DPCD: variants seen among roughly 807,000 people sequenced by gnomAD.
DPCD encodes the protein protein DPCD.
In DPCD, 20 loss-of-function variants were observed where a neutral mutation model predicts 26.4. The observed-to-expected ratio is 0.76, with a 90% CI of 0.53 to 1.10. DPCD has a LOEUF of 1.10. Among genes scored for constraint, DPCD ranks in the 50% least tolerant of loss-of-function variants. DPCD has a pLI of 0.00. For missense variants in DPCD, 202 were observed against 253.9 expected (o/e 0.80, Z 1.39); for synonymous variants, 97 against 94.2 (o/e 1.03, Z -0.17).
At chr10:101,590,351 T>A (rs2063597128) in intron 1 of DPCD, among the ~76,000 whole-genome samples, 1 of 152,102 alleles carries the variant, frequency 6.6e-6, no homozygotes, top group Non-Finnish European at 1.5e-5. Context: ...TGAAGAGAGA[T>A]GACAGATAAG....
At chr10:101,607,179 G>A (rs887990057) in intron 4 of DPCD, among the ~76,000 whole-genome samples, 4 of 152,194 alleles carry the variant, frequency 2.6e-5, no homozygotes, top group African/African-American at 9.7e-5. Flanking sequence ...TATATTTGCA[G>A]GGAAGATGTT....
At chr10:101,607,884 TGAG>T (rs1240675364) in intron 4 of DPCD, among the ~76,000 whole-genome samples, 1 of 152,168 alleles carries the variant, frequency 6.6e-6, no homozygotes, top group African/African-American at 2.4e-5. Context: ...CTGTTAGAGA[TGAG>T]GAGGCCATTC....
chr10:101,602,953 A>T (rs1254319001), intron 4 of DPCD, among the ~76,000 whole-genome samples: 1 of 152,254 alleles, frequency 6.6e-6, no homozygotes, highest in East Asian at 1.9e-4. Flanking sequence ...TCCTGCGCAC[A>T]TCCAGCCATA....
chr10:101,594,549 T>C (rs1369714334), intron 1 of DPCD, 109 bp from the exon 2 acceptor site: 3 of 1,056,362 alleles, frequency 2.8e-6, no homozygotes, highest in Non-Finnish European at 4.4e-6. Context: ...CCTGGCTGGG[T>C]TCCTCAGTAC....
chr10:101,588,328 A>C lies in DPCD; in HGVS notation c.-9A>C, dbSNP rs758548295. On this transcript the variant is annotated 5_prime_UTR_variant, in exon 1 of 6. Coordinates refer to ENST00000370151, the MANE Select transcript of DPCD (RefSeq NM_015448.3). ...GCAGCGGCTGGGCGTGCTGCTTAGCAGGGGAAAGATGGCGGTGACGGGCTG... is the reference window on the plus strand; with the variant it reads ...GCAGCGGCTGGGCGTGCTGCTTAGCCGGGGAAAGATGGCGGTGACGGGCTG... 9.4e-6 allele frequency: 15 copies of C among 1,600,456 alleles called. No individual in the cohort carries two copies. In the African/African-American group the frequency reaches 2.0e-4, roughly 21 times the overall value.
chr10:101,604,077 T>A (rs1589728346), intron 4 of DPCD, among the ~76,000 whole-genome samples: 3 of 152,204 alleles, frequency 2.0e-5, no homozygotes, highest in Non-Finnish European at 2.9e-5. Context: ...TTCTGGCAGG[T>A]GGGGAAGTGT....
intron 2 of DPCD, among the ~76,000 whole-genome samples, chr10:101,596,120 T>C (rs1244843686): frequency 6.6e-6 from 1 of 152,202 alleles, no homozygotes; most frequent in African/African-American, 2.4e-5. Flanking sequence ...CAAGTCCAGG[T>C]TTCTTCATTT....
chr10:101,590,925 G>T (rs1422525319), intron 1 of DPCD, among the ~76,000 whole-genome samples: 1 of 152,082 alleles, frequency 6.6e-6, no homozygotes, highest in African/African-American at 2.4e-5. Flanking sequence ...ACGCTTCAAG[G>T]TTCATCCATG....
intron 1 of DPCD, among the ~76,000 whole-genome samples, chr10:101,591,949 G>C (rs972023558): frequency 2.0e-5 from 3 of 152,074 alleles, no homozygotes; most frequent in Admixed American, 6.5e-5. Context: ...GCTTCCCAAA[G>C]GGCTGAGATT....
At chr10:101,594,496 T>A (rs2063635351) in intron 1 of DPCD, among the ~76,000 whole-genome samples, 162 bp from the exon 2 acceptor site, 1 of 152,138 alleles carries the variant, frequency 6.6e-6, no homozygotes, top group African/African-American at 2.4e-5. Flanking sequence ...GGACACGTTT[T>A]AAAGTAATGG....
chr10:101,601,077 A>G (rs1211086015), intron 3 of DPCD, 126 bp from the exon 4 acceptor site: 2 of 1,490,790 alleles, frequency 1.3e-6, no homozygotes, highest in Non-Finnish European at 1.8e-6. Flanking sequence ...CTGTAGCAAT[A>G]GCAGCGTCAG....
At chr10:101,601,362 G>A in intron 4 of DPCD, 26 bp downstream of exon 4, 1 of 1,611,854 alleles carries the variant, frequency 6.2e-7, no homozygotes, top group Non-Finnish European at 8.5e-7. Flanking sequence ...GGCACCCTGT[G>A]TGCTTGTGTA....
intron 4 of DPCD, 54 bp from the exon 5 acceptor site, chr10:101,608,781 T>C: frequency 1.6e-6 from 2 of 1,264,630 alleles, no homozygotes; most frequent in Non-Finnish European, 2.3e-6. Context: ...GCCTGACGCC[T>C]GGCTGTTGGG....
In DPCD at chr10:101,588,388, C is replaced by T. The variant is rs776641379; in HGVS notation, c.52C>T (p.Leu18=). 1.3e-6 allele frequency: 2 copies of T among 1,595,924 alleles called. No individual in the cohort carries two copies. Among genetic ancestry groups the T allele is most frequent in the Non-Finnish European group, 1.7e-6 (2 of 1,169,792 alleles). The part of the protein sequence containing the change: ...ESLRTAQKTA[L]LQDGRRKVHY... ...TCTGCGGACAGCCCAGAAGACTGCG[C>T]TGCTGCAGGACGGTAACTCGAGGGT... is the stretch of plus-strand genomic sequence containing the variant. Residue 18 remains leucine, a synonymous_variant, in exon 1 of 6, where the codon CTG becomes TTG. Transcript: ENST00000370151.
chr10:101,595,958 T>C (rs945401525), intron 2 of DPCD, among the ~76,000 whole-genome samples: 1 of 152,104 alleles, frequency 6.6e-6, no homozygotes, highest in Non-Finnish European at 1.5e-5. Context: ...GGCCAGAGAA[T>C]AGCCGCAGCT....
At chr10:101,594,186 T>G (rs1016583259) in intron 1 of DPCD, among the ~76,000 whole-genome samples, 1 of 94,832 alleles carries the variant, frequency 1.1e-5, no homozygotes, top group African/African-American at 3.6e-5. Context: ...CATAGAGAGA[T>G]AAATACGATG....
chr10:101,591,766 T>G (rs1339520067), intron 1 of DPCD, among the ~76,000 whole-genome samples: 1 of 152,150 alleles, frequency 6.6e-6, no homozygotes, highest in Admixed American at 6.5e-5. Flanking sequence ...ACTGCAACCT[T>G]TGCCTGCTGG....
Position 101,588,924 on chromosome 10 carries a change from T to C in DPCD, c.64+524T>C, listed in dbSNP as rs117734424. 3.5e-3 allele frequency among the ~76,000 whole-genome samples: 529 copies of C among 152,376 alleles called. 10 individuals carry two copies. The East Asian group carries it at 0.054, about 15-fold the overall frequency. ...GTCCTTTCCAGCTGTAATATTTTTG[T>C]TAAGTGAACTTCTAAATATTTTCTG... On this transcript the variant is annotated intron_variant, in intron 1 of 5. Coordinates refer to ENST00000370151, the MANE Select transcript of DPCD (RefSeq NM_015448.3).
intron 4 of DPCD, among the ~76,000 whole-genome samples, chr10:101,608,358 G>A (rs2063747167): frequency 6.6e-6 from 1 of 152,234 alleles, no homozygotes; most frequent in African/African-American, 2.4e-5. Flanking sequence ...GGTAGTTGAG[G>A]CCTTCAGTGG....
Sources: gnomAD v4.1 joint callset for allele counts (sites outside exome capture counted in the v4.1 genomes callset) on GRCh38, gnomAD v4.1.1 for gene constraint, MANE v1.5 for transcripts, NCBI Gene and HGNC (gene_info 2026-07-23, HGNC 2026-07-21) for gene names.